CADM2: variants seen among roughly 807,000 people sequenced by gnomAD.
The protein encoded by CADM2 is cell adhesion molecule 2, also known as immunoglobulin superfamily member 4D.
CADM2 carries 12 observed loss-of-function variants against 49.8 expected under a neutral mutation model. That is an observed-to-expected ratio of 0.24 (90% CI 0.15 to 0.39). CADM2 has a LOEUF of 0.39. Ranked by LOEUF, CADM2 falls within the 10% of genes least tolerant of loss-of-function variation. The pLI, the probability that CADM2 is intolerant of heterozygous loss-of-function variation, is 1.00. For missense variants in CADM2, 378 were observed against 492.3 expected (o/e 0.77, Z 2.20); for synonymous variants, 214 against 175.4 (o/e 1.22, Z -1.74).
At chr3:85,997,219 A>G (rs1729539896) in intron 8 of CADM2, among the ~76,000 whole-genome samples, 2 of 152,258 alleles carry the variant, frequency 1.3e-5, no homozygotes, top group South Asian at 2.1e-4. Context: ...CAAAAAAGTA[A>G]CACAAACATA....
At chr3:85,082,063 A>G (rs758072451) in intron 1 of CADM2, among the ~76,000 whole-genome samples, 1 of 152,174 alleles carries the variant, frequency 6.6e-6, no homozygotes, top group Non-Finnish European at 1.5e-5. Flanking sequence ...AGAGGAGGAA[A>G]TGAGAAATAG....
At chr3:85,528,637 G>A (rs908093104) in intron 1 of CADM2, among the ~76,000 whole-genome samples, 2 of 152,136 alleles carry the variant, frequency 1.3e-5, no homozygotes, top group African/African-American at 4.8e-5. Flanking sequence ...TATGACTACT[G>A]CTGCAGATAA....
chr3:86,026,192 G>A lies in CADM2; in HGVS notation c.971-39413G>A, dbSNP rs981199100. On this transcript the variant is annotated intron_variant, in intron 8 of 9. Coordinates refer to ENST00000383699, the MANE Select transcript of CADM2 (RefSeq NM_001167675.2). ...ATAGTTTCAAAGTCTCACAACTTGG[G>A]AAAAATGCGATTCAAATTCAGGTAT... Among the ~76,000 whole-genome samples the A allele has an allele frequency of 2.6e-5, 4 of 152,076 alleles. 1 individual carries two copies. The highest frequency in any genetic ancestry group is 9.7e-5 in the African/African-American group (4 of 41,418).
chr3:85,697,061 G>A (rs1179348802), intron 1 of CADM2, among the ~76,000 whole-genome samples: 1 of 76,428 alleles, frequency 1.3e-5, no homozygotes, highest in Non-Finnish European at 2.6e-5. Context: ...CTACCCTACT[G>A]TCTTAATTAT....
At chr3:85,277,141 G>T (rs2043375647) in intron 1 of CADM2, among the ~76,000 whole-genome samples, 1 of 151,274 alleles carries the variant, frequency 6.6e-6, no homozygotes, top group Non-Finnish European at 1.5e-5. Flanking sequence ...AGGAACTGAT[G>T]ATTATGTTTT....
chr3:85,644,885 A>G (rs909532717), intron 1 of CADM2, among the ~76,000 whole-genome samples: 1 of 152,092 alleles, frequency 6.6e-6, no homozygotes, highest in Non-Finnish European at 1.5e-5. Flanking sequence ...TTCCTGAACA[A>G]AAGTCAGGAG....
intron 8 of CADM2, among the ~76,000 whole-genome samples, chr3:85,968,609 T>G (rs1725744876): frequency 6.6e-6 from 1 of 151,658 alleles, no homozygotes; most frequent in South Asian, 2.1e-4. Context: ...TCAACTTATT[T>G]ACATATAATA....
intron 1 of CADM2, among the ~76,000 whole-genome samples, chr3:85,537,960 T>G (rs1256195431): frequency 6.6e-6 from 1 of 152,224 alleles, no homozygotes; most frequent in Non-Finnish European, 1.5e-5. Flanking sequence ...CTAATGGCAG[T>G]GTCAAGATTT....
chr3:85,066,932 A>G (rs1229044097), intron 1 of CADM2, among the ~76,000 whole-genome samples: 1 of 151,754 alleles, frequency 6.6e-6, no homozygotes, highest in South Asian at 2.1e-4. Flanking sequence ...TATCCCTCTC[A>G]TTTCCTTGAG....
intron 8 of CADM2, among the ~76,000 whole-genome samples, chr3:86,017,428 G>T (rs966552987): frequency 3.3e-5 from 5 of 151,904 alleles, no homozygotes; most frequent in Admixed American, 2.0e-4. Context: ...AGCAAGTACT[G>T]TTAGGAAGAA....
chr3:85,139,638 A>C (rs938336276), intron 1 of CADM2, among the ~76,000 whole-genome samples: 1 of 152,162 alleles, frequency 6.6e-6, no homozygotes, highest in Admixed American at 6.6e-5. Flanking sequence ...GTTACTGTGC[A>C]AAGAAGCTTA....
chr3:84,988,472 C>G (rs1306532528), intron 1 of CADM2, among the ~76,000 whole-genome samples: 1 of 152,152 alleles, frequency 6.6e-6, no homozygotes, highest in Non-Finnish European at 1.5e-5. Flanking sequence ...TCCATGAAAC[C>G]TAGCAGATAG....
chr3:85,053,429 A>G (rs1023540533), intron 1 of CADM2, among the ~76,000 whole-genome samples: 1 of 152,004 alleles, frequency 6.6e-6, no homozygotes. Context: ...GAAATAAAAC[A>G]TGACAAATTA....
At chr3:85,597,009 A>G (rs2063263472) in intron 1 of CADM2, among the ~76,000 whole-genome samples, 1 of 152,068 alleles carries the variant, frequency 6.6e-6, no homozygotes, top group Non-Finnish European at 1.5e-5. Flanking sequence ...GAGCCATGGC[A>G]GCCGGCCTTG....
intron 8 of CADM2, among the ~76,000 whole-genome samples, chr3:85,962,553 A>G (rs551566088): frequency 6.6e-6 from 1 of 152,072 alleles, no homozygotes; most frequent in East Asian, 2.0e-4. Flanking sequence ...GTTTTTTCCA[A>G]CTTTCAAATG....
chr3:86,014,761 T>G, intron 8 of CADM2: 3 of 1,484,166 alleles, frequency 2.0e-6, no homozygotes, highest in Non-Finnish European at 2.7e-6. Context: ...TCAGCCAAGC[T>G]TCACTGTTGG....
intron 1 of CADM2, among the ~76,000 whole-genome samples, chr3:85,083,803 G>A (rs2037265298): frequency 6.6e-6 from 1 of 152,028 alleles, no homozygotes; most frequent in Admixed American, 6.6e-5. Flanking sequence ...ATAGAGGCAT[G>A]TAAACACAAA....
chr3:85,699,065 C>T (rs1417369885), intron 1 of CADM2, among the ~76,000 whole-genome samples: 1 of 152,170 alleles, frequency 6.6e-6, no homozygotes, highest in Non-Finnish European at 1.5e-5. Context: ...GGGTTACAGG[C>T]TCATGTAAAT....
intron 7 of CADM2, among the ~76,000 whole-genome samples, chr3:85,941,796 C>A (rs534100284): frequency 2.0e-5 from 3 of 152,150 alleles, no homozygotes; most frequent in African/African-American, 7.2e-5. Flanking sequence ...CCTTAAAGAA[C>A]CCAAACTAAG....
Sources: gnomAD v4.1 joint callset for allele counts (sites outside exome capture counted in the v4.1 genomes callset) on GRCh38, gnomAD v4.1.1 for gene constraint, MANE v1.5 for transcripts, NCBI Gene and HGNC (gene_info 2026-07-23, HGNC 2026-07-21) for gene names.